The following ROBO1 variants were observed in gnomAD, a reference collection of about 807,000 sequenced individuals.
ROBO1 encodes roundabout homolog 1.
A neutral mutation model predicts 195.9 loss-of-function variants in ROBO1; 149 were observed. The ratio of observed to expected loss-of-function variants is 0.76; its 90% CI spans 0.67 to 0.87. The LOEUF (loss-of-function observed/expected upper bound fraction) is 0.87, where lower values mean the gene tolerates loss of function less well. Among genes scored for constraint, ROBO1 ranks in the 40% least tolerant of loss-of-function variants. The pLI is 0.00. For synonymous variants in ROBO1, 816 were observed against 733.2 expected (o/e 1.11, Z -1.82); for missense variants, 1,933 against 2,068.3 (o/e 0.93, Z 1.27).
At chr3:79,064,304 T>G (rs781016322) in intron 3 of ROBO1, among the ~76,000 whole-genome samples, 1 of 151,924 alleles carries the variant, frequency 6.6e-6, no homozygotes, top group Non-Finnish European at 1.5e-5. Context: ...CCTTACATAC[T>G]TGTATACACT....
intron 2 of ROBO1, among the ~76,000 whole-genome samples, chr3:79,478,925 A>C (rs1359995000): frequency 6.6e-6 from 1 of 152,226 alleles, no homozygotes; most frequent in Non-Finnish European, 1.5e-5. Context: ...AATCCAGAAT[A>C]AACTACAAAT....
intron 4 of ROBO1, among the ~76,000 whole-genome samples, chr3:78,916,048 G>A (rs1045021992): frequency 2.7e-5 from 4 of 148,492 alleles, no homozygotes; most frequent in Admixed American, 6.7e-5. Flanking sequence ...TCAGGAAATC[G>A]AGACCATCCT....
chr3:79,018,478 C>G, intron 3 of ROBO1: 1 of 1,613,784 alleles, frequency 6.2e-7, no homozygotes, highest in Non-Finnish European at 8.5e-7. Context: ...CGGGTGGATC[C>G]TGTATACAGT....
intron 1 of ROBO1, among the ~76,000 whole-genome samples, chr3:79,752,716 G>A (rs1490835817): frequency 6.6e-6 from 1 of 152,080 alleles, no homozygotes; most frequent in Admixed American, 6.6e-5. Flanking sequence ...TCAAGGAGAG[G>A]CTATAATTAT....
intron 2 of ROBO1, among the ~76,000 whole-genome samples, chr3:79,563,582 T>C (rs1576030897): frequency 6.6e-6 from 1 of 152,072 alleles, no homozygotes; most frequent in Admixed American, 6.6e-5. Flanking sequence ...ATTAATAATG[T>C]ATGAAGGCAT....
intron 1 of ROBO1, among the ~76,000 whole-genome samples, chr3:79,686,630 G>C (rs555848693): frequency 6.6e-6 from 1 of 152,136 alleles, no homozygotes; most frequent in Non-Finnish European, 1.5e-5. Flanking sequence ...GCTTCAAAGA[G>C]AATAAAATAC....
chr3:78,797,381 A>C (rs1403896984), intron 4 of ROBO1, among the ~76,000 whole-genome samples: 1 of 152,154 alleles, frequency 6.6e-6, no homozygotes, highest in Non-Finnish European at 1.5e-5. Flanking sequence ...CTTCATGTTA[A>C]TACACAGTAT....
intron 3 of ROBO1, among the ~76,000 whole-genome samples, chr3:78,949,625 C>A (rs2040659204): frequency 6.6e-6 from 1 of 151,780 alleles, no homozygotes; most frequent in South Asian, 2.1e-4. Flanking sequence ...TCTAAAACAC[C>A]AAAAGCAATG....
At chr3:78,782,702 T>C (rs333498) in intron 4 of ROBO1, among the ~76,000 whole-genome samples, 8,268 of 152,286 alleles carry the variant, frequency 0.054, 301 homozygotes, top group Middle Eastern at 0.11. Context: ...CTTCATTAAA[T>C]TTGCAAACGA....
chr3:78,862,644 T>C (rs2034923689), intron 4 of ROBO1, among the ~76,000 whole-genome samples: 1 of 152,192 alleles, frequency 6.6e-6, no homozygotes, highest in South Asian at 2.1e-4. Flanking sequence ...TACCATAGGA[T>C]TGATTAATCC....
At chr3:78,817,384 A>G (rs755055448) in intron 4 of ROBO1, among the ~76,000 whole-genome samples, 31 of 152,276 alleles carry the variant, frequency 2.0e-4, no homozygotes, top group Non-Finnish European at 4.0e-4. Flanking sequence ...ACATGATGAC[A>G]GTATAGTATA....
intron 2 of ROBO1, among the ~76,000 whole-genome samples, chr3:79,426,976 A>G (rs73129009): frequency 0.067 from 10,147 of 152,248 alleles, 412 homozygotes; most frequent in East Asian, 0.14. Context: ...TATTAAAATT[A>G]TTCAATTAAA....
intron 2 of ROBO1, among the ~76,000 whole-genome samples, chr3:79,484,263 G>A (rs1439917842): frequency 6.6e-6 from 1 of 152,188 alleles, no homozygotes; most frequent in African/African-American, 2.4e-5. Context: ...TCTGCTCTCT[G>A]CTTGATAAAA....
At position 79,389,065 on chromosome 3, in the gene ROBO1, T is replaced by C. The variant is rs1486969238; in HGVS notation, c.88+200759A>G. Among the ~76,000 whole-genome samples the C allele has an allele frequency of 2.6e-5, 4 of 152,188 alleles. No homozygotes were observed. In the East Asian group the frequency reaches 7.7e-4, roughly 29 times the overall value. On this transcript the variant is annotated intron_variant, in intron 2 of 30. Coordinates refer to ENST00000464233, the MANE Select transcript of ROBO1 (RefSeq NM_002941.4). ...AAATTAATTATATATTTAGTATGAT[T>C]TCAAGTATACTCTAAAATTTGGATG... is the stretch of plus-strand genomic sequence containing the variant.
chr3:79,646,975 T>A (rs1015735113), intron 1 of ROBO1, among the ~76,000 whole-genome samples: 1 of 151,950 alleles, frequency 6.6e-6, no homozygotes, highest in Non-Finnish European at 1.5e-5. Context: ...ATAGAAGAAA[T>A]AAGACCTGGT....
At chr3:79,324,403 T>C (rs527438007) in intron 2 of ROBO1, among the ~76,000 whole-genome samples, 1 of 152,286 alleles carries the variant, frequency 6.6e-6, no homozygotes, top group South Asian at 2.1e-4. Context: ...ATCATCAATA[T>C]ATAAATAAAA....
intron 3 of ROBO1, among the ~76,000 whole-genome samples, chr3:79,107,457 T>G (rs1252255220): frequency 6.6e-6 from 1 of 151,626 alleles, no homozygotes; most frequent in African/African-American, 2.4e-5. Flanking sequence ...ATAAATTACT[T>G]TTTGTATGTT....
chr3:79,297,025 G>A (rs776775502), intron 2 of ROBO1, among the ~76,000 whole-genome samples: 29 of 152,092 alleles, frequency 1.9e-4, no homozygotes, highest in Non-Finnish European at 3.7e-4. Flanking sequence ...ATAAAATCCC[G>A]AAGTCTAATT....
chr3:79,204,524 C>A (rs530787449), intron 2 of ROBO1, among the ~76,000 whole-genome samples: 1 of 151,904 alleles, frequency 6.6e-6, no homozygotes, highest in Non-Finnish European at 1.5e-5. Context: ...ATATGTGTTC[C>A]GTCATAGCCT....
Sources: gnomAD v4.1 joint callset for allele counts (sites outside exome capture counted in the v4.1 genomes callset) on GRCh38, gnomAD v4.1.1 for gene constraint, MANE v1.5 for transcripts, NCBI Gene and HGNC (gene_info 2026-07-23, HGNC 2026-07-21) for gene names.